Variants in TRPS1 observed in about 807,000 individuals in gnomAD.
TRPS1 encodes zinc finger transcription factor Trps1.
TRPS1 carries 6 observed loss-of-function variants against 101.2 expected under a neutral mutation model. That is an observed-to-expected ratio of 0.06 (90% confidence interval 0.03 to 0.12). The LOEUF (loss-of-function observed/expected upper bound fraction) is 0.12, where lower values mean the gene tolerates loss of function less well. TRPS1 is among the 10% of genes least tolerant of loss of function. The pLI is 1.00. For missense variants in TRPS1, 1,363 were observed against 1,567.0 expected, an observed-to-expected ratio of 0.87 and a Z score of 2.20; for synonymous variants, 578 against 589.8, an observed-to-expected ratio of 0.98 and a Z score of 0.29.
In TRPS1 at chr8:115,458,823, T is replaced by C. The variant is rs190584339; in HGVS notation, c.2701-40371A>G. ...GTTCTTCTGTGTCTTTCTGCTTCAATAGGAAAACAAAACTGAAAATATTTG... is the reference window on the plus strand; with the variant it reads ...GTTCTTCTGTGTCTTTCTGCTTCAACAGGAAAACAAAACTGAAAATATTTG... On this transcript the variant is annotated intron_variant, in intron 5 of 6. Transcript: ENST00000395715. 3.7e-3 allele frequency among the ~76,000 whole-genome samples: 566 copies of C among 152,308 alleles called. 2 individuals are homozygous for C. Among genetic ancestry groups the C allele is most frequent in the Non-Finnish European group, 6.6e-3 (452 of 68,012 alleles).
chr8:115,533,439 T>TTTTTTGTTTG (rs1213545084), intron 5 of TRPS1, among the ~76,000 whole-genome samples: 2 of 116,696 alleles, frequency 1.7e-5, no homozygotes, highest in African/African-American at 8.7e-5. Context: ...GTAATCTGTT[T>TTTTTTGTTTG]TTTTTTTTTT....
chr8:115,419,335 C>T (rs1230043096), intron 5 of TRPS1, among the ~76,000 whole-genome samples: 1 of 148,704 alleles, frequency 6.7e-6, no homozygotes, highest in Non-Finnish European at 1.5e-5. Flanking sequence ...TGTTTGTAGG[C>T]ACAAATACTA....
rs1200616419 is a variant in TRPS1, at chr8:115,418,283, A to G, written c.2823+47T>C. The G allele has an allele frequency of 7.4e-6, 12 of 1,613,854 alleles. No individual in the cohort carries two copies. Among genetic ancestry groups the G allele is most frequent in the East Asian group, 4.5e-5 (2 of 44,864 alleles). On this transcript the variant is annotated intron_variant, in intron 6 of 6. Transcript: ENST00000395715. This position sits in a 1 kb window ranked among gnomAD's most constrained non-coding sequence, Gnocchi z 4.3. ...ACTTATCACACCACAGACCAGGCCA[A>G]CACTGCTTTATAAAGCTTTTCCTGA...
chr8:115,611,271 C>T (rs1818157788), intron 3 of TRPS1, among the ~76,000 whole-genome samples: 1 of 152,164 alleles, frequency 6.6e-6, no homozygotes, highest in South Asian at 2.1e-4. Flanking sequence ...GCTGCTGGTT[C>T]ATAATGGAGA....
In TRPS1 at chr8:115,608,839, A is replaced by G. The variant is rs577998743; in HGVS notation, c.967-3837T>C. On this transcript the variant is annotated intron_variant, in intron 3 of 6. Transcript: ENST00000395715. The stretch of plus-strand genomic sequence containing the variant: ...ATTTATTTGTAATTAACTGAAATGT[A>G]TTTATTTTAAAAATTTCTTTTTTAG... Among the ~76,000 whole-genome samples, 7 of 151,610 alleles carry G rather than the reference A, an allele frequency of 4.6e-5. 1 individual carries two copies. Among genetic ancestry groups the G allele is most frequent in the African/African-American group, 1.7e-4 (7 of 40,960 alleles).
intron 5 of TRPS1, among the ~76,000 whole-genome samples, chr8:115,454,117 C>T (rs1438152884): frequency 6.6e-6 from 1 of 152,142 alleles, no homozygotes; most frequent in East Asian, 1.9e-4. Flanking sequence ...TTTTTAACCT[C>T]CCTACACCCC....
chr8:115,476,921 A>C (rs1451268362), intron 5 of TRPS1, among the ~76,000 whole-genome samples: 1 of 152,206 alleles, frequency 6.6e-6, no homozygotes, highest in African/African-American at 2.4e-5. Flanking sequence ...CTTATTCTCT[A>C]TCTCCTTCGT....
intron 1 of TRPS1, among the ~76,000 whole-genome samples, chr8:115,662,302 C>T (rs1811820485): frequency 1.3e-5 from 2 of 151,448 alleles, no homozygotes; most frequent in African/African-American, 2.4e-5. Flanking sequence ...TTAATTTTCA[C>T]TATATATATT....
chr8:115,649,822 C>T (rs1284294098), intron 1 of TRPS1, among the ~76,000 whole-genome samples: 1 of 152,186 alleles, frequency 6.6e-6, no homozygotes, highest in Non-Finnish European at 1.5e-5. Context: ...TGTCCTCCTT[C>T]CCATCATTAA....
At chr8:115,536,047 T>C (rs559942909) in intron 5 of TRPS1, among the ~76,000 whole-genome samples, 1 of 152,234 alleles carries the variant, frequency 6.6e-6, no homozygotes, top group Non-Finnish European at 1.5e-5. Flanking sequence ...ATTAGATGAT[T>C]ATTACTCAAA....
At chr8:115,421,420 C>A (rs1438652733) in intron 5 of TRPS1, among the ~76,000 whole-genome samples, 1 of 152,050 alleles carries the variant, frequency 6.6e-6, no homozygotes, top group African/African-American at 2.4e-5. Context: ...AGTTTTCAGC[C>A]CTTGAATCTT....
chr8:115,486,888 C>T (rs1814894642), intron 5 of TRPS1, among the ~76,000 whole-genome samples: 1 of 152,092 alleles, frequency 6.6e-6, no homozygotes, highest in Non-Finnish European at 1.5e-5. Context: ...CAAGTTATCC[C>T]GAAGCTGTAG....
chr8:115,413,943 G>T lies in TRPS1; in HGVS notation c.*80C>A. 5.0e-6 allele frequency: 7 copies of T among 1,396,332 alleles called. No homozygotes were observed. Among genetic ancestry groups the T allele is most frequent in the Non-Finnish European group, 5.9e-6 (6 of 1,015,108 alleles). The allele number at this position is 1,396,332 out of a possible 1,614,324, so 86.5% of individuals were successfully genotyped here. ...GGCTCTATGAAGTATTTTTTTAATAGGTCTTCATAAGACATTACAAGCTAT... is the reference window on the plus strand; with the variant it reads ...GGCTCTATGAAGTATTTTTTTAATATGTCTTCATAAGACATTACAAGCTAT... On this transcript the variant is annotated 3_prime_UTR_variant, in exon 7 of 7. Coordinates refer to ENST00000395715, the MANE Select transcript of TRPS1 (RefSeq NM_014112.5).
At chr8:115,416,220 T>G (rs1248153450) in intron 6 of TRPS1, among the ~76,000 whole-genome samples, 1 of 152,028 alleles carries the variant, frequency 6.6e-6, no homozygotes, top group Non-Finnish European at 1.5e-5. Flanking sequence ...GATTGGTATT[T>G]ATGGACATGT....
intron 5 of TRPS1, among the ~76,000 whole-genome samples, chr8:115,437,514 T>C (rs2129862505): frequency 6.6e-6 from 1 of 152,362 alleles, no homozygotes; most frequent in Non-Finnish European, 1.5e-5. Flanking sequence ...TCTGAATGCA[T>C]GTATTTACTA....
chr8:115,637,343 G>T (rs1818794006), intron 1 of TRPS1: 2 of 981,576 alleles, frequency 2.0e-6, no homozygotes, highest in Non-Finnish European at 2.4e-6. Flanking sequence ...AAAAAGAAGA[G>T]ATTAGGAAAA....
chr8:115,454,420 T>A (rs1488376126), intron 5 of TRPS1, among the ~76,000 whole-genome samples: 1 of 152,240 alleles, frequency 6.6e-6, no homozygotes, highest in African/African-American at 2.4e-5. Context: ...TATAAGTTGT[T>A]TTGACATATT....
intron 1 of TRPS1, among the ~76,000 whole-genome samples, chr8:115,645,872 A>G (rs1173676397): frequency 6.6e-6 from 1 of 152,168 alleles, no homozygotes; most frequent in African/African-American, 2.4e-5. Flanking sequence ...AAATTCAAAC[A>G]TAACAGAGCT....
At chr8:115,645,654 G>T (rs2737243) in intron 1 of TRPS1, among the ~76,000 whole-genome samples, 1 of 151,892 alleles carries the variant, frequency 6.6e-6, no homozygotes, top group Non-Finnish European at 1.5e-5. Flanking sequence ...AAATCCCTGG[G>T]TATCAAAAAG....
Sources: gnomAD v4.1 joint callset for allele counts (sites outside exome capture counted in the v4.1 genomes callset) on GRCh38, gnomAD v4.1.1 for gene constraint, Gnocchi (gnomAD v3.1) non-coding constraint, MANE v1.5 for transcripts, NCBI Gene and HGNC (gene_info 2026-07-23, HGNC 2026-07-21) for gene names.